Variants in ARHGAP4 observed in about 807,000 individuals in gnomAD.
ARHGAP4 encodes the protein Rho GTPase activating protein 4, also known as rho GTPase-activating protein 4.
Under a neutral mutation model 67.6 loss-of-function variants are expected in ARHGAP4, and 25 were observed. The ratio of observed to expected loss-of-function variants is 0.37; its 90% confidence interval spans 0.27 to 0.52. The LOEUF (loss-of-function observed/expected upper bound fraction) is 0.52, where lower values mean the gene tolerates loss of function less well. ARHGAP4 is among the 20% of genes least tolerant of loss of function. The pLI, the probability that ARHGAP4 is intolerant of heterozygous loss-of-function variation, is 0.92. For missense variants in ARHGAP4, 804 were observed against 854.6 expected, an observed-to-expected ratio of 0.94 and a Z score of 0.74; for synonymous variants, 448 against 373.7, an observed-to-expected ratio of 1.20 and a Z score of -2.29.
intron 1 of ARHGAP4, among the ~76,000 whole-genome samples, chrX:153,924,093 T>C (rs1244096661): frequency 3.6e-5 from 4 of 112,068 alleles, no homozygotes; most frequent in Non-Finnish European, 5.6e-5. Flanking sequence ...TTAACATTTT[T>C]TGATAAAAGT....
At chrX:153,915,562 T>G (rs2065050658) in intron 7 of ARHGAP4, among the ~76,000 whole-genome samples, 1 of 111,286 alleles carries the variant, frequency 9.0e-6, no homozygotes, top group Non-Finnish European at 1.9e-5. Flanking sequence ...AAAATTACCC[T>G]GTCTCATAAC....
chrX:153,909,928 G>T lies in ARHGAP4; in HGVS notation c.2231-4C>A, dbSNP rs551249570. On this transcript the variant is annotated splice_polypyrimidine_tract_variant and splice_region_variant and intron_variant, in intron 18 of 21. Transcript: ENST00000350060. ...GCCTCCACGACCCCCTCCAGGTCTGGGGAGGAGAGGGGGTCCAAGCTGTGG... is the reference window on the plus strand; with the variant it reads ...GCCTCCACGACCCCCTCCAGGTCTGTGGAGGAGAGGGGGTCCAAGCTGTGG... 1.7e-6 allele frequency: 2 copies of T among 1,207,664 alleles called. No individual in the cohort carries two copies. Among genetic ancestry groups the T allele is most frequent in the South Asian group, 3.5e-5 (2 of 56,489 alleles).
chrX:153,917,121 CAGG>C (rs1355826168), intron 7 of ARHGAP4, among the ~76,000 whole-genome samples: 1 of 111,821 alleles, frequency 8.9e-6, no homozygotes, highest in African/African-American at 3.3e-5. Flanking sequence ...GAGGCTGAGG[CAGG>C]AGAATTGCTT....
Position 153,921,943 on chromosome X carries a change from A to C in ARHGAP4, c.68-134T>G, listed in dbSNP as rs2065098303. ...CTGAGGGCTCCTTCGGACCCAGCCTAGGCTGAGGGCAAGAGCTAAGAGGGG... is the reference window on the plus strand; with the variant it reads ...CTGAGGGCTCCTTCGGACCCAGCCTCGGCTGAGGGCAAGAGCTAAGAGGGG... On this transcript the variant is annotated intron_variant, in intron 1 of 21. Transcript: ENST00000350060. 3 of 874,828 alleles carry C rather than the reference A, an allele frequency of 3.4e-6. 1 individual carries two copies. The Admixed American group carries it at 1.1e-4, about 31-fold the overall frequency. The allele number at this position is 874,828 out of a possible 1,213,427, so 72.1% of individuals were successfully genotyped here. A position where few individuals can be genotyped will look rare whatever the true frequency, so the allele number is the denominator to read the frequency against.
At position 153,921,720 on chromosome X, in the gene ARHGAP4, T is replaced by C. The variant is rs782401068; in HGVS notation, c.157A>G (p.Met53Val). The change falls in exon 2 of 22, where the codon ATG becomes GTG. Residue 53 changes from methionine to valine, a missense_variant. Met to Val is a conservative substitution (Grantham distance 21). Transcript: ENST00000350060. The part of the protein sequence containing the change: ...RELLQELAEF[M>V]RRRAEVELEY... ...AGCTCCACCTCAGCGCGGCGCCGCA[T>C]GAACTCTGCCAGCTCCTGCAGCAAC... 134 of 1,202,722 alleles carry C rather than the reference T, an allele frequency of 1.1e-4. No homozygotes were observed. Among genetic ancestry groups the C allele is most frequent in the Non-Finnish European group, 1.5e-4 (134 of 891,564 alleles).
intron 5 of ARHGAP4, chrX:153,920,306 G>A (rs938046756): frequency 3.5e-5 from 10 of 286,415 alleles, no homozygotes; most frequent in African/African-American, 2.5e-4. Flanking sequence ...CTTTCTCCGT[G>A]CGTGTCACCC....
intron 9 of ARHGAP4, 21 bp from the exon 10 acceptor site, chrX:153,913,323 C>T (rs1557103723): frequency 8.4e-7 from 1 of 1,195,472 alleles, no homozygotes; most frequent in South Asian, 1.8e-5. Flanking sequence ...CCAAGAAGAG[C>T]CCCAAGTGTT....
rs782085242 is a variant in ARHGAP4, at chrX:153,921,457, G to A, written c.343C>T (p.Arg115Trp). 1.8e-5 allele frequency: 22 copies of A among 1,203,659 alleles called. No homozygotes were observed. The highest frequency in any genetic ancestry group is 2.3e-4 in the Middle Eastern group (1 of 4,315). The change falls in exon 3 of 22, where the codon CGG (arginine) becomes TGG (tryptophan). Residue 115 changes from arginine (R) to tryptophan (W), a missense_variant. Physicochemically the swap from Arg to Trp is moderately radical, Grantham distance 101. Around this residue, in one of 2 missense-constraint regions of ARHGAP4, gnomAD observed 404 missense variants for 505.9 expected, o/e 0.80. Transcript: ENST00000350060. ...ACCTCACTCAGGGCCGCGCTCTCCC[G>A]GCTCTGCTGCCGCGTGTGCTGCAGC... ...VLLQHTRQQS[R>W]ESAALSEVLA... is the part of the protein sequence containing the mutation.
At chrX:153,908,618 CCCTCCTGCCTCCCTG>C (rs1379080721) in intron 21 of ARHGAP4, among the ~76,000 whole-genome samples, 1 of 110,005 alleles carries the variant, frequency 9.1e-6, no homozygotes, top group Non-Finnish European at 1.9e-5. Flanking sequence ...ACCAGCCACC[CCCTCCTGCCTCCCTG>C]CCATCTGTCC....
At chrX:153,925,949 G>A (rs916995818) in intron 1 of ARHGAP4, among the ~76,000 whole-genome samples, 187 bp downstream of exon 1, 6 of 112,864 alleles carry the variant, frequency 5.3e-5, no homozygotes, top group African/African-American at 1.9e-4. Flanking sequence ...AAGGGAAAAT[G>A]GCAGGCGGTT....
At chrX:153,908,968 G>C (rs1197590817) in intron 21 of ARHGAP4, 102 bp downstream of exon 21, 5 of 877,337 alleles carry the variant, frequency 5.7e-6, no homozygotes, top group Admixed American at 2.4e-5. Flanking sequence ...AGGCCAGGGA[G>C]GGCAACGACT....
At chrX:153,920,023 G>A (rs1254226090) in intron 5 of ARHGAP4, among the ~76,000 whole-genome samples, 2 of 111,569 alleles carry the variant, frequency 1.8e-5, no homozygotes, top group Non-Finnish European at 3.8e-5. Context: ...CTGACTTCGT[G>A]ATCCACCCAC....
In ARHGAP4 at chrX:153,907,674, G is replaced by T; in HGVS notation, c.*55C>A. ...TGGAGAGAAGCAAGGGGGCTGGGGA[G>T]AGTGGCCGGTCCAGCGGGTAGCCGC... On this transcript the variant is annotated 3_prime_UTR_variant, in exon 22 of 22. Coordinates refer to ENST00000350060, the MANE Select transcript of ARHGAP4 (RefSeq NM_001666.5). 1.7e-6 allele frequency: 1 copy of T among 601,100 alleles called. No individual in the cohort carries two copies. Among genetic ancestry groups the T allele is most frequent in the Non-Finnish European group, 2.4e-6 (1 of 421,537 alleles). 49.5% of individuals were successfully genotyped at this position (601,100 alleles called of 1,213,427 possible). A position where few individuals can be genotyped will look rare whatever the true frequency, so the allele number is the denominator to read the frequency against.
intron 1 of ARHGAP4, chrX:153,922,526 G>A (rs1198073446): frequency 1.6e-5 from 9 of 577,935 alleles, no homozygotes; most frequent in African/African-American, 8.4e-5. Flanking sequence ...CCATACTGCC[G>A]GCCTTTTGAC....
rs782707429 is a variant in ARHGAP4 at position 153,921,385 on chromosome X, C to A, written c.415G>T (p.Val139Leu). The A allele has an allele frequency of 1.7e-6, 2 of 1,211,045 alleles. No homozygotes were observed. The highest frequency in any genetic ancestry group is 2.2e-6 in the Non-Finnish European group (2 of 895,455). ...CTCACCTTCTTGACCAGGCGCCCCACGTCCTCTGCAATGTGACTCAGGCGC... is the reference window on the plus strand; with the variant it reads ...CTCACCTTCTTGACCAGGCGCCCCAAGTCCTCTGCAATGTGACTCAGGCGC... ...AQRLSHIAED[V>L]GRLVKKSRDL... The change falls in exon 3 of 22, where the codon GTG becomes TTG. Residue 139 changes from valine (V) to leucine (L), a missense_variant. Val to Leu is a conservative substitution (Grantham distance 32). This residue lies in a region of ARHGAP4 where 404 missense variants were observed against 505.9 expected (regional missense o/e 0.80). Transcript: ENST00000350060.
intron 12 of ARHGAP4, 75 bp downstream of exon 12, chrX:153,912,625 G>A (rs1488204315): frequency 3.3e-6 from 3 of 900,845 alleles, no homozygotes; most frequent in Non-Finnish European, 4.7e-6. Flanking sequence ...CAGCTGCTCC[G>A]GCCACTGAGG....
Position 153,909,802 on chromosome X carries a change from G to T in ARHGAP4, c.2353C>A (p.Arg785=), listed in dbSNP as rs368238109. 8.3e-7 allele frequency: 1 copy of T among 1,201,846 alleles called. No individual in the cohort carries two copies. The highest frequency in any genetic ancestry group is 1.1e-6 in the Non-Finnish European group (1 of 891,359). ...CCCCGCATGCCGTTGTGCTCCCCCC[G>T]CCACCAGTCGCTCGAGGCCCTCTCG... The part of the protein sequence containing the change: ...LHERASSDWW[R]GEHNGMRGLI... Residue 785 remains arginine (R), a synonymous_variant, in exon 19 of 22, where the codon CGG becomes AGG. Coordinates refer to ENST00000350060, the MANE Select transcript of ARHGAP4 (RefSeq NM_001666.5).
intron 1 of ARHGAP4, among the ~76,000 whole-genome samples, chrX:153,924,575 G>A (rs1408915402): frequency 6.3e-5 from 7 of 111,840 alleles, no homozygotes; most frequent in South Asian, 3.7e-4. Flanking sequence ...ATGTGAGGGC[G>A]GGGTGGCCAC....
chrX:153,914,004 A>T, intron 7 of ARHGAP4, 125 bp from the exon 8 acceptor site: 1 of 555,838 alleles, frequency 1.8e-6, no homozygotes, highest in Non-Finnish European at 2.9e-6. Flanking sequence ...CCACCAGCCC[A>T]GACGCTCAGC....
Sources: gnomAD v4.1 joint callset for allele counts (sites outside exome capture counted in the v4.1 genomes callset) on GRCh38, gnomAD v4.1.1 for gene constraint, gnomAD v4.1.1 regional missense constraint, MANE v1.5 for transcripts, NCBI Gene and HGNC (gene_info 2026-07-23, HGNC 2026-07-21) for gene names.